DYNC2H1: variants seen among roughly 807,000 people sequenced by gnomAD.
DYNC2H1 encodes dynein cytoplasmic 2 heavy chain 1.
In DYNC2H1, 410 loss-of-function variants were observed where a neutral mutation model predicts 570.0. The ratio of observed to expected loss-of-function variants is 0.72; its 90% CI spans 0.66 to 0.78. The LOEUF (loss-of-function observed/expected upper bound fraction) is 0.78, where lower values mean the gene tolerates loss of function less well. DYNC2H1 is among the 30% of genes least tolerant of loss of function. The pLI, the probability that DYNC2H1 is intolerant of heterozygous loss-of-function variation, is 0.00. For synonymous variants in DYNC2H1, 1,688 were observed against 1,677.6 expected, an observed-to-expected ratio of 1.01 and a Z score of -0.15; for missense variants, 4,865 against 5,046.4, an observed-to-expected ratio of 0.96 and a Z score of 1.09.
chr11:103,293,097 T>C (rs1391608294), intron 75 of DYNC2H1, among the ~76,000 whole-genome samples: 1 of 152,220 alleles, frequency 6.6e-6, no homozygotes, highest in Non-Finnish European at 1.5e-5. Flanking sequence ...ATTCCCTTTA[T>C]AGTTCTGGTG....
intron 17 of DYNC2H1, among the ~76,000 whole-genome samples, chr11:103,143,044 A>G (rs903389720): frequency 7.2e-5 from 11 of 152,208 alleles, no homozygotes; most frequent in African/African-American, 2.7e-4. Context: ...CAGAGGGTTT[A>G]TATAATTTTC....
rs1591580446 is a variant in DYNC2H1 at position 103,325,203 on chromosome 11, G to A, written c.12039+1213G>A. 6.6e-6 allele frequency among the ~76,000 whole-genome samples: 1 copy of A among 152,194 alleles called. No individual in the cohort carries two copies. The highest frequency in any genetic ancestry group is 2.4e-5 in the African/African-American group (1 of 41,450). On this transcript the variant is annotated intron_variant, in intron 82 of 88. Transcript: ENST00000375735. This position sits in a 1 kb window ranked among gnomAD's most constrained non-coding sequence, Gnocchi z 4.8. ...TGATAGTCTCTTTTGCTCTGCAGAA[G>A]CTCTTTAGTTAGGTCTCATTTGACA... is the stretch of plus-strand genomic sequence containing the variant.
At chr11:103,449,849 G>A (rs147822532) in intron 85 of DYNC2H1, among the ~76,000 whole-genome samples, 1 of 152,118 alleles carries the variant, frequency 6.6e-6, no homozygotes, top group Non-Finnish European at 1.5e-5. Flanking sequence ...CATATAATTA[G>A]GTAGCATTTT....
At chr11:103,117,292 A>G (rs1858458200) in intron 5 of DYNC2H1, among the ~76,000 whole-genome samples, 1 of 146,922 alleles carries the variant, frequency 6.8e-6, no homozygotes, top group Admixed American at 6.8e-5. Context: ...ATATATTTTT[A>G]TTATACTTTA....
chr11:103,123,342 A>G (rs1858820751), intron 11 of DYNC2H1, among the ~76,000 whole-genome samples: 1 of 152,116 alleles, frequency 6.6e-6, no homozygotes, highest in Non-Finnish European at 1.5e-5. Flanking sequence ...ACTTTAAACA[A>G]TGTTGTGGTT....
At position 103,255,467 on chromosome 11, in the gene DYNC2H1, C is replaced by A; in HGVS notation, c.10259C>A (p.Thr3420Lys). Residue 3420 changes from threonine (T) to lysine (K), a missense_variant, in exon 67 of 89, where the codon ACA (threonine) becomes AAA (lysine). This residue lies in a region of DYNC2H1 where 2,401 missense variants were observed against 2,454.6 expected (regional missense o/e 0.98). Transcript: ENST00000375735. Reference protein sequence around the residue: ...HEKPDLEEQKTKLLQQEEDKK... With the variant: ...HEKPDLEEQKKKLLQQEEDKK... ...AAACCTGATTTAGAAGAACAGAAAACAAAACTATTACAACAGGAAGAAGAT... is the reference window on the plus strand; with the variant it reads ...AAACCTGATTTAGAAGAACAGAAAAAAAAACTATTACAACAGGAAGAAGAT... 6.4e-7 allele frequency: 1 copy of A among 1,569,168 alleles called. No homozygotes were observed. Among genetic ancestry groups the A allele is most frequent in the Non-Finnish European group, 8.7e-7 (1 of 1,155,960 alleles).
chr11:103,199,491 C>T lies in DYNC2H1; in HGVS notation c.8088+15C>T. 2 of 1,535,902 alleles carry T rather than the reference C, an allele frequency of 1.3e-6. No homozygotes were observed. Among genetic ancestry groups the T allele is most frequent in the Non-Finnish European group, 1.8e-6 (2 of 1,140,992 alleles). ...ATCTCAAACATGTGAGTTGCCCACT[C>T]TCTTTTGCTTTATTTGGTTTTAAAT... On this transcript the variant is annotated intron_variant, in intron 49 of 88. Transcript: ENST00000375735. The surrounding 1 kb of genome is among the most constrained non-coding windows in gnomAD (Gnocchi z 4.6).
In DYNC2H1 at chr11:103,148,667, A is replaced by G. The variant is rs898760136; in HGVS notation, c.2946+50A>G. 13 of 1,521,566 alleles carry G rather than the reference A, an allele frequency of 8.5e-6. No individual in the cohort carries two copies. The East Asian group carries it at 3.2e-4, about 38-fold the overall frequency. The allele number at this position is 1,521,566 out of a possible 1,614,324, so 94.3% of individuals were successfully genotyped here. Reference sequence around the variant, plus strand: ...TATTATTACTTTTTACTGCATGGAAAATGTTTAAATTAGGTAATTTTATGT... The same window carrying G: ...TATTATTACTTTTTACTGCATGGAAGATGTTTAAATTAGGTAATTTTATGT... On this transcript the variant is annotated intron_variant, in intron 20 of 88. Transcript: ENST00000375735.
chr11:103,132,048 C>G (rs1859305322), intron 13 of DYNC2H1, among the ~76,000 whole-genome samples: 1 of 151,798 alleles, frequency 6.6e-6, no homozygotes, highest in African/African-American at 2.4e-5. Context: ...CTCTCTTCTT[C>G]CTTTTAGGAA....
At chr11:103,351,093 G>T (rs1940031353) in intron 82 of DYNC2H1, among the ~76,000 whole-genome samples, 1 of 152,080 alleles carries the variant, frequency 6.6e-6, no homozygotes, top group Admixed American at 6.6e-5. Flanking sequence ...TGATTCTGTG[G>T]GTTGGCTGGA....
intron 70 of DYNC2H1, among the ~76,000 whole-genome samples, chr11:103,276,030 G>A (rs1865893227): frequency 6.6e-6 from 1 of 152,158 alleles, no homozygotes; most frequent in Admixed American, 6.5e-5. Context: ...ATTATTTGGT[G>A]CTGTCAGTGT....
At chr11:103,435,395 C>T (rs1356595652) in intron 84 of DYNC2H1, among the ~76,000 whole-genome samples, 1 of 152,078 alleles carries the variant, frequency 6.6e-6, no homozygotes, top group East Asian at 1.9e-4. Context: ...GAAGAGTCTG[C>T]ATTAATGGTT....
At chr11:103,284,075 T>C (rs1477396693) in intron 73 of DYNC2H1, among the ~76,000 whole-genome samples, 9 of 152,168 alleles carry the variant, frequency 5.9e-5, no homozygotes, top group African/African-American at 2.2e-4. Flanking sequence ...CATATCTGAT[T>C]ACCCTTGAAA....
In DYNC2H1 at chr11:103,129,257, G is replaced by A. The variant is rs1859146063; in HGVS notation, c.1953+252G>A. 6.6e-6 allele frequency among the ~76,000 whole-genome samples: 1 copy of A among 152,164 alleles called. No homozygotes were observed. The highest frequency in any genetic ancestry group is 2.1e-4 in the South Asian group (1 of 4,834). Reference sequence around the variant, plus strand: ...ATAGATAGAAAATGATTTGTATGATGTTATGTTCATTTATCCTCTGAAGTT... The same window carrying A: ...ATAGATAGAAAATGATTTGTATGATATTATGTTCATTTATCCTCTGAAGTT... On this transcript the variant is annotated intron_variant, in intron 13 of 88. Transcript: ENST00000375735. This position sits in a 1 kb window ranked among gnomAD's most constrained non-coding sequence, Gnocchi z 4.1.
At chr11:103,452,282 C>T (rs888571962) in intron 85 of DYNC2H1, among the ~76,000 whole-genome samples, 5 of 151,914 alleles carry the variant, frequency 3.3e-5, no homozygotes, top group Non-Finnish European at 7.4e-5. Flanking sequence ...TAAATGTTTG[C>T]AAAAACTTTA....
In DYNC2H1 at chr11:103,199,422, TC is replaced by T; in HGVS notation, c.8036del (p.Pro2679GlnfsTer9). The T allele has an allele frequency of 3.1e-6, 5 of 1,611,854 alleles. No homozygotes were observed. The highest frequency in any genetic ancestry group is 4.2e-6 in the Non-Finnish European group (5 of 1,178,934). On this transcript the variant is annotated frameshift_variant, in exon 49 of 89. Transcript: ENST00000375735. LOFTEE classifies it high-confidence loss of function. This position sits in a 1 kb window ranked among gnomAD's most constrained non-coding sequence, Gnocchi z 4.6. ...SHMHGAVLFS[P>X]KISRGYELKQ... Reference sequence around the variant, plus strand: ...ACATGCATGGAGCGGTCCTGTTTTCTCCAAAGATTTCCAGAGGATATGAACT... The same window carrying T: ...ACATGCATGGAGCGGTCCTGTTTTCTCAAAGATTTCCAGAGGATATGAACT...
chr11:103,301,336 CT>C (rs1236984855), intron 75 of DYNC2H1, among the ~76,000 whole-genome samples: 1 of 151,810 alleles, frequency 6.6e-6, no homozygotes, highest in East Asian at 1.9e-4. Flanking sequence ...TTAAGTTATT[CT>C]AATTTTAATT....
At chr11:103,394,328 A>T (rs1373365719) in intron 83 of DYNC2H1, among the ~76,000 whole-genome samples, 1 of 152,194 alleles carries the variant, frequency 6.6e-6, no homozygotes, top group African/African-American at 2.4e-5. Context: ...AACCAACCAT[A>T]GATTGAAAAT....
intron 83 of DYNC2H1, among the ~76,000 whole-genome samples, chr11:103,392,102 A>T (rs1220116804): frequency 6.6e-6 from 1 of 152,192 alleles, no homozygotes; most frequent in Admixed American, 6.5e-5. Context: ...GCAGAGGTGG[A>T]GTCTACAGAG....
Sources: allele counts gnomAD v4.1 joint callset (sites outside exome capture counted in the v4.1 genomes callset), GRCh38; gene constraint gnomAD v4.1.1; regional missense constraint gnomAD v4.1.1; non-coding constraint Gnocchi (gnomAD v3.1); transcripts MANE v1.5; gene names NCBI Gene and HGNC (gene_info 2026-07-23, HGNC 2026-07-21).